TOX2: variants seen among roughly 807,000 people sequenced by gnomAD.
TOX2 encodes granulosa cell HMG box 1.
A neutral mutation model predicts 47.4 loss-of-function variants in TOX2; 15 were observed. That is an observed-to-expected ratio of 0.32 (90% CI 0.21 to 0.49). The LOEUF (loss-of-function observed/expected upper bound fraction) is 0.49, where lower values mean the gene tolerates loss of function less well. Among genes scored for constraint, TOX2 ranks in the 20% least tolerant of loss-of-function variants. The pLI, the probability that TOX2 is intolerant of heterozygous loss-of-function variation, is 0.99. For missense variants in TOX2, 622 were observed against 673.1 expected (o/e 0.92, Z 0.84); for synonymous variants, 290 against 296.6 (o/e 0.98, Z 0.23).
intron 8 of TOX2, among the ~76,000 whole-genome samples, chr20:44,067,316 C>T (rs2071843603): frequency 1.3e-5 from 2 of 152,130 alleles, no homozygotes; most frequent in South Asian, 4.1e-4. Flanking sequence ...AGACTTGCTT[C>T]TGCCTCATCC....
At chr20:43,941,901 T>A (rs1406494415) in intron 1 of TOX2, among the ~76,000 whole-genome samples, 1 of 152,158 alleles carries the variant, frequency 6.6e-6, no homozygotes, top group Non-Finnish European at 1.5e-5. Context: ...GTTTTGTGAA[T>A]AAAGACAGCA....
At position 44,021,924 on chromosome 20, in the gene TOX2, C is replaced by T. The variant is rs555832078; in HGVS notation, c.411+15132C>T. 1.9e-4 allele frequency among the ~76,000 whole-genome samples: 29 copies of T among 152,262 alleles called. No homozygotes were observed. The East Asian group carries it at 4.6e-3, about 24-fold the overall frequency. The stretch of plus-strand genomic sequence containing the variant: ...GTGTTGGGATTATAGGTGTGAGCCA[C>T]CACACCCAGCCTAACTGACTTTGAT... On this transcript the variant is annotated intron_variant, in intron 3 of 8. Coordinates refer to ENST00000341197, the MANE Select transcript of TOX2 (RefSeq NM_001098797.2).
intron 1 of TOX2, among the ~76,000 whole-genome samples, chr20:43,951,760 C>G (rs1160273048): frequency 8.5e-6 from 1 of 117,286 alleles, no homozygotes; most frequent in African/African-American, 3.1e-5. Context: ...CAACCAGGCT[C>G]TAGTGCAGTG....
intron 2 of TOX2, among the ~76,000 whole-genome samples, chr20:44,002,693 G>A (rs938729440): frequency 6.6e-5 from 10 of 152,194 alleles, no homozygotes; most frequent in African/African-American, 2.2e-4. Flanking sequence ...AGCTTTTGAT[G>A]AGGCCTCAGG....
At chr20:44,035,777 G>A (rs953139776) in intron 3 of TOX2, among the ~76,000 whole-genome samples, 2 of 152,232 alleles carry the variant, frequency 1.3e-5, no homozygotes, top group East Asian at 1.9e-4. Context: ...GCTGTCATCT[G>A]TCAGGTTCCC....
At chr20:43,985,211 T>C (rs1390586021) in intron 2 of TOX2, among the ~76,000 whole-genome samples, 1 of 152,192 alleles carries the variant, frequency 6.6e-6, no homozygotes, top group East Asian at 1.9e-4. Flanking sequence ...ATTGGATGAA[T>C]ATCTCTGAGG....
chr20:43,992,370 C>T (rs1007665168), intron 2 of TOX2, among the ~76,000 whole-genome samples: 2 of 152,008 alleles, frequency 1.3e-5, no homozygotes, highest in Non-Finnish European at 2.9e-5. Context: ...CCAGGATACC[C>T]CTACCTCCCT....
chr20:44,043,535 C>A (rs900142568), intron 3 of TOX2, among the ~76,000 whole-genome samples: 5 of 152,190 alleles, frequency 3.3e-5, no homozygotes, highest in African/African-American at 1.2e-4. Flanking sequence ...ACTATCTTCA[C>A]TGGTTATTGT....
chr20:44,013,170 C>T (rs2070808793), intron 3 of TOX2, among the ~76,000 whole-genome samples: 1 of 151,768 alleles, frequency 6.6e-6, no homozygotes, highest in South Asian at 2.1e-4. Context: ...CTGGGAGGTC[C>T]TTGATATACC....
At chr20:44,002,150 G>A (rs547074071) in intron 2 of TOX2, among the ~76,000 whole-genome samples, 4 of 151,990 alleles carry the variant, frequency 2.6e-5, no homozygotes, top group African/African-American at 4.8e-5. Context: ...GTTCAGAGTC[G>A]CCACCTCCAG....
intron 3 of TOX2, chr20:44,007,116 G>T: frequency 3.2e-6 from 1 of 309,688 alleles, no homozygotes; most frequent in Non-Finnish European, 6.0e-6. Context: ...TTTTATTGAG[G>T]TATAATTTAT....
intron 1 of TOX2, among the ~76,000 whole-genome samples, chr20:43,937,514 C>G (rs113344174): frequency 1.3e-5 from 2 of 151,992 alleles, no homozygotes; most frequent in Admixed American, 1.3e-4. Flanking sequence ...TTGGGAGGGA[C>G]TGGTGTGTGA....
At chr20:44,062,432 T>C (rs1205109910) in intron 5 of TOX2, among the ~76,000 whole-genome samples, 1 of 151,622 alleles carries the variant, frequency 6.6e-6, no homozygotes, top group African/African-American at 2.4e-5. Context: ...CTTAGGAATA[T>C]ACCTAACCAA....
chr20:43,981,749 C>T (rs969474873), intron 2 of TOX2, among the ~76,000 whole-genome samples: 1 of 152,142 alleles, frequency 6.6e-6, no homozygotes, highest in Admixed American at 6.5e-5. Flanking sequence ...AAGGAAGTGA[C>T]TCTGGGCTTC....
chr20:43,945,147 GA>G (rs1001593147), intron 1 of TOX2, among the ~76,000 whole-genome samples: 15 of 145,626 alleles, frequency 1.0e-4, no homozygotes, highest in African/African-American at 2.3e-4. Flanking sequence ...TTGTGGTAAA[GA>G]AAAAAAAAAT....
At chr20:44,058,767 C>G (rs533748960) in intron 5 of TOX2, among the ~76,000 whole-genome samples, 1 of 152,176 alleles carries the variant, frequency 6.6e-6, no homozygotes, top group African/African-American at 2.4e-5. Flanking sequence ...CCGGTAGCTC[C>G]GCTGGGTGGC....
intron 2 of TOX2, among the ~76,000 whole-genome samples, chr20:44,004,141 C>T (rs1017530800): frequency 4.6e-5 from 7 of 152,066 alleles, no homozygotes; most frequent in South Asian, 2.1e-4. Context: ...GTTCTATGAA[C>T]GGGATGGAAG....
intron 2 of TOX2, among the ~76,000 whole-genome samples, chr20:43,980,560 C>T (rs1030755566): frequency 6.6e-6 from 1 of 152,188 alleles, no homozygotes; most frequent in African/African-American, 2.4e-5. Flanking sequence ...ATAACCCATT[C>T]TCCATGATGT....
intron 3 of TOX2, 116 bp downstream of exon 3, chr20:44,006,908 G>C: frequency 7.1e-7 from 1 of 1,410,372 alleles, no homozygotes; most frequent in South Asian, 1.5e-5. Context: ...GCAGGGTCTG[G>C]GTTTACCTGG....
Sources: gnomAD v4.1 joint callset for allele counts (sites outside exome capture counted in the v4.1 genomes callset) on GRCh38, gnomAD v4.1.1 for gene constraint, MANE v1.5 for transcripts, NCBI Gene and HGNC (gene_info 2026-07-23, HGNC 2026-07-21) for gene names.